Variants in PPP1R26 observed in about 807,000 individuals in gnomAD.
The protein encoded by PPP1R26 is protein phosphatase 1 regulatory subunit 26, also known as 1A6/DRIM (down-regulated in metastasis) interacting protein.
In PPP1R26, 22 loss-of-function variants were observed where a neutral mutation model predicts 67.6. The observed-to-expected ratio is 0.33, with a 90% CI of 0.23 to 0.46. The LOEUF is 0.46. PPP1R26 is among the 20% of genes least tolerant of loss of function. The pLI is 1.00. For missense variants in PPP1R26, 1,602 were observed against 1,651.4 expected (o/e 0.97, Z 0.52); for synonymous variants, 729 against 717.2 (o/e 1.02, Z -0.26).
In PPP1R26 at chr9:135,487,227, G is replaced by C. The variant is rs142918581; in HGVS notation, c.2717G>C (p.Arg906Pro). 3.2e-6 allele frequency: 5 copies of C among 1,585,784 alleles called. No homozygotes were observed. In the East Asian group the frequency reaches 1.1e-4, roughly 36 times the overall value. The change falls in exon 4 of 4, where the codon CGA (arginine) becomes CCA (proline). Residue 906 changes from arginine (R) to proline (P), a missense_variant. By Grantham distance (103) the Arg-to-Pro change is moderately radical. This residue lies in a region of PPP1R26 where 740 missense variants were observed against 696.3 expected (regional missense o/e 1.06). Transcript: ENST00000356818. ...RGVPHLAEGL[R>P]GTESAGAQGT... ...GTCCCACATCTGGCCGAAGGGCTTC[G>C]AGGCACAGAGAGCGCAGGAGCACAG...
In PPP1R26 at chr9:135,484,682, G is replaced by A. The variant is rs201579051; in HGVS notation, c.172G>A (p.Gly58Arg). 163 of 1,609,970 alleles carry A rather than the reference G, an allele frequency of 1.0e-4. No homozygotes were observed. Among genetic ancestry groups the A allele is most frequent in the Non-Finnish European group, 1.2e-4 (147 of 1,179,582 alleles). ...GCTTATCAGCACTCTGCAGCGCGAC[G>A]GGGCTGCTCGGGGCACCAGCGATGA... ...QMLISTLQRD[G>R]AARGTSDERA... Residue 58 changes from glycine to arginine, a missense_variant, in exon 4 of 4, where the codon GGG becomes AGG. Transcript: ENST00000356818.
At chr9:135,481,357 C>T (rs1470478592) in intron 1 of PPP1R26, among the ~76,000 whole-genome samples, 1 of 151,372 alleles carries the variant, frequency 6.6e-6, no homozygotes, top group Non-Finnish European at 1.5e-5. Flanking sequence ...TCTCGTGCCT[C>T]AGCCCCTGGA....
Position 135,486,388 on chromosome 9 carries a change from G to A in PPP1R26, c.1878G>A (p.Gly626=), listed in dbSNP as rs1204956548. The part of the protein sequence containing the change: ...DGSQDADHSQ[G]RAEPGHERRD... ...GCCAGGATGCCGACCACAGCCAGGG[G>A]AGAGCTGAGCCCGGCCATGAGAGGC... The change falls in exon 4 of 4, where the codon GGG becomes GGA. Residue 626 remains glycine, a synonymous_variant. Transcript: ENST00000356818. The surrounding 1 kb of genome is among the most constrained non-coding windows in gnomAD (Gnocchi z 6.2). 1 of 1,613,262 alleles carries A rather than the reference G, an allele frequency of 6.2e-7. No individual in the cohort carries two copies. The highest frequency in any genetic ancestry group is 1.1e-5 in the South Asian group (1 of 91,082).
At position 135,487,598 on chromosome 9, in the gene PPP1R26, T is replaced by C. The variant is rs1478760650; in HGVS notation, c.3088T>C (p.Phe1030Leu). Residue 1030 changes from phenylalanine to leucine, a missense_variant, in exon 4 of 4, where the codon TTC becomes CTC. By Grantham distance (22) the Phe-to-Leu change is conservative. Coordinates refer to ENST00000356818, the MANE Select transcript of PPP1R26 (RefSeq NM_014811.5). ...CGACCGCACACCGCCCTGGAGCGAC[T>C]TCGCCCACCAGAGTCGGCTGCCCAG... Reference protein sequence around the residue: ...QADRTPPWSDFAHQSRLPSPW... With the variant: ...QADRTPPWSDLAHQSRLPSPW... The C allele has an allele frequency of 6.7e-7, 1 of 1,497,734 alleles. No individual in the cohort carries two copies. The highest frequency in any genetic ancestry group is 8.9e-7 in the Non-Finnish European group (1 of 1,122,588). 92.8% of individuals were successfully genotyped at this position (1,497,734 alleles called of 1,614,324 possible).
In PPP1R26 at chr9:135,488,092, C is replaced by T. The variant is rs147377906; in HGVS notation, c.3582C>T (p.Ser1194=). 3.6e-5 allele frequency: 57 copies of T among 1,564,082 alleles called. No individual in the cohort carries two copies. Among genetic ancestry groups the T allele is most frequent in the African/African-American group, 1.6e-4 (12 of 73,366 alleles). Residue 1194 remains serine (S), a synonymous_variant, in exon 4 of 4, where the codon AGC becomes AGT. Transcript: ENST00000356818. ...TGGGCAGTGACGCCAGTGACTTCAG[C>T]GACACCTCCACGGAGGACAGTGGCG... is the stretch of plus-strand genomic sequence containing the variant. ...DALGSDASDF[S]DTSTEDSGGS...
At chr9:135,482,979 C>CTTTTTTT (rs1830570844) in intron 2 of PPP1R26, among the ~76,000 whole-genome samples, 164 bp downstream of exon 2, 2 of 136,916 alleles carry the variant, frequency 1.5e-5, no homozygotes, top group Non-Finnish European at 1.5e-5. Context: ...GTTTCTTTTT[C>CTTTTTTT]TTTCTTTCTT....
At position 135,485,997 on chromosome 9, in the gene PPP1R26, C is replaced by A; in HGVS notation, c.1487C>A (p.Pro496Gln). 1.2e-6 allele frequency: 2 copies of A among 1,613,222 alleles called. No individual in the cohort carries two copies. Among genetic ancestry groups the A allele is most frequent in the Middle Eastern group, 3.3e-4 (2 of 6,058 alleles). The change falls in exon 4 of 4, where the codon CCG (proline) becomes CAG (glutamine). Residue 496 changes from proline to glutamine, a missense_variant. Around this residue, in one of 5 missense-constraint regions of PPP1R26, gnomAD observed 680 missense variants for 726.1 expected, o/e 0.94. Coordinates refer to ENST00000356818, the MANE Select transcript of PPP1R26 (RefSeq NM_014811.5). The surrounding 1 kb of genome is among the most constrained non-coding windows in gnomAD (Gnocchi z 7.2). ...CTGGACATCTCCAAGACGATCCTGC[C>A]GGCCCCTGTAGAGGGCAGTGACGGG... The part of the protein sequence containing the change: ...AILDISKTIL[P>Q]APVEGSDGSL...
In PPP1R26 at chr9:135,486,334, G is replaced by T. The variant is rs201421427; in HGVS notation, c.1824G>T (p.Lys608Asn). ...GCCATGTGAGGCCATCCACGCCCAA[G>T]AAAATGCAGGAGGTGGTGAAAGACG... is the stretch of plus-strand genomic sequence containing the variant. ...GGGHVRPSTP[K>N]KMQEVVKDGS... is the part of the protein sequence containing the mutation. Residue 608 changes from lysine to asparagine, a missense_variant, in exon 4 of 4, where the codon AAG becomes AAT. Coordinates refer to ENST00000356818, the MANE Select transcript of PPP1R26 (RefSeq NM_014811.5). The surrounding 1 kb of genome is among the most constrained non-coding windows in gnomAD (Gnocchi z 6.2). 1.2e-6 allele frequency: 2 copies of T among 1,613,080 alleles called. No homozygotes were observed. Among genetic ancestry groups the T allele is most frequent in the East Asian group, 4.5e-5 (2 of 44,856 alleles).
intron 1 of PPP1R26, among the ~76,000 whole-genome samples, chr9:135,482,099 G>A (rs1830541883): frequency 6.6e-6 from 1 of 152,168 alleles, no homozygotes; most frequent in Non-Finnish European, 1.5e-5. Flanking sequence ...CACTGACTTG[G>A]GCCGGTTTTC....
chr9:135,485,743 A>C lies in PPP1R26; in HGVS notation c.1233A>C (p.Thr411=). The change falls in exon 4 of 4, where the codon ACA becomes ACC. Residue 411 remains threonine (T), a synonymous_variant. Coordinates refer to ENST00000356818, the MANE Select transcript of PPP1R26 (RefSeq NM_014811.5). The surrounding 1 kb of genome is among the most constrained non-coding windows in gnomAD (Gnocchi z 7.2). The part of the protein sequence containing the change: ...DPPAHSTSSA[T]KSALPETHRK... ...CCGCACACAGCACAAGCAGTGCCAC[A>C]AAAAGTGCCTTGCCCGAGACCCACA... 1 of 1,610,720 alleles carries C rather than the reference A, an allele frequency of 6.2e-7. No homozygotes were observed. The highest frequency in any genetic ancestry group is 8.5e-7 in the Non-Finnish European group (1 of 1,179,986).
Position 135,486,673 on chromosome 9 carries a change from G to A in PPP1R26, c.2163G>A (p.Lys721=). 6.2e-7 allele frequency: 1 copy of A among 1,607,044 alleles called. No individual in the cohort carries two copies. The highest frequency in any genetic ancestry group is 1.1e-5 in the South Asian group (1 of 90,298). The change falls in exon 4 of 4, where the codon AAG becomes AAA. Residue 721 remains lysine (K), a synonymous_variant. Coordinates refer to ENST00000356818, the MANE Select transcript of PPP1R26 (RefSeq NM_014811.5). The surrounding 1 kb of genome is among the most constrained non-coding windows in gnomAD (Gnocchi z 6.2). ...AGCCCAGGGCTGCGTGCAGGAAGAA[G>A]GTCAGGTTCAGCACAGCCCAGACGC... ...CREPRAACRK[K]VRFSTAQTHF...
At position 135,486,792 on chromosome 9, in the gene PPP1R26, G is replaced by A; in HGVS notation, c.2282G>A (p.Ser761Asn). The change falls in exon 4 of 4, where the codon AGT becomes AAT. Residue 761 changes from serine to asparagine, a missense_variant. Transcript: ENST00000356818. The surrounding 1 kb of genome is among the most constrained non-coding windows in gnomAD (Gnocchi z 6.2). Reference sequence around the variant, plus strand: ...TGCCTCTCCAAGTCCAAGAGAGACAGTGGCGAGGGTCCTGGGAAGAAACCC... The same window carrying A: ...TGCCTCTCCAAGTCCAAGAGAGACAATGGCGAGGGTCCTGGGAAGAAACCC... ...KSCLSKSKRD[S>N]GEGPGKKPPS... The A allele has an allele frequency of 1.3e-6, 2 of 1,596,572 alleles. No individual in the cohort carries two copies. Among genetic ancestry groups the A allele is most frequent in the Non-Finnish European group, 1.7e-6 (2 of 1,172,290 alleles).
chr9:135,481,476 A>T (rs902592617), intron 1 of PPP1R26, among the ~76,000 whole-genome samples: 1 of 148,594 alleles, frequency 6.7e-6, no homozygotes, highest in Admixed American at 6.7e-5. Context: ...CCTGGCCTCA[A>T]GTGATCCACC....
chr9:135,485,141 G>A lies in PPP1R26; in HGVS notation c.631G>A (p.Ala211Thr), dbSNP rs369152269. Residue 211 changes from alanine to threonine, a missense_variant, in exon 4 of 4, where the codon GCC (alanine) becomes ACC (threonine). This residue lies in a region of PPP1R26 where 680 missense variants were observed against 726.1 expected (regional missense o/e 0.94). Transcript: ENST00000356818. The surrounding 1 kb of genome is among the most constrained non-coding windows in gnomAD (Gnocchi z 7.2). Reference protein sequence around the residue: ...QVGSSKDQGSASPVSVSSDDS... With the variant: ...QVGSSKDQGSTSPVSVSSDDS... ...GGGATCCAGCAAGGACCAGGGCTCC[G>A]CCTCCCCGGTCAGTGTGAGCAGCGA... The A allele has an allele frequency of 8.1e-5, 130 of 1,612,774 alleles. 1 individual carries two copies. Among genetic ancestry groups the A allele is most frequent in the East Asian group, 4.5e-4 (20 of 44,902 alleles).
intron 1 of PPP1R26, 142 bp from the exon 2 acceptor site, chr9:135,482,541 G>A (rs1032388189): frequency 1.5e-5 from 6 of 394,432 alleles, no homozygotes; most frequent in Non-Finnish European, 2.7e-5. Flanking sequence ...TTGTACTTGT[G>A]GTTAAATGTC....
Position 135,484,679 on chromosome 9 carries a change from G to T in PPP1R26, c.169G>T (p.Asp57Tyr), listed in dbSNP as rs145468835. Residue 57 changes from aspartate to tyrosine, a missense_variant, in exon 4 of 4, where the codon GAC (aspartate) becomes TAC (tyrosine). Asp to Tyr is a radical substitution (Grantham distance 160, BLOSUM62 -3). Around this residue, in one of 5 missense-constraint regions of PPP1R26, gnomAD observed 168 missense variants for 176.1 expected, o/e 0.95. Transcript: ENST00000356818. ...GATGCTTATCAGCACTCTGCAGCGC[G>T]ACGGGGCTGCTCGGGGCACCAGCGA... ...VQMLISTLQR[D>Y]GAARGTSDER... is the part of the protein sequence containing the mutation. The T allele has an allele frequency of 1.9e-6, 3 of 1,610,396 alleles. No individual in the cohort carries two copies. The highest frequency in any genetic ancestry group is 2.5e-6 in the Non-Finnish European group (3 of 1,179,752).
chr9:135,487,117 G>C lies in PPP1R26; in HGVS notation c.2607G>C (p.Gly869=). The change falls in exon 4 of 4, where the codon GGG becomes GGC. Residue 869 remains glycine (G), a synonymous_variant. Coordinates refer to ENST00000356818, the MANE Select transcript of PPP1R26 (RefSeq NM_014811.5). ...QAEGPTALGT[G]GPARPEVLCR... is the part of the protein sequence containing the mutation. The stretch of plus-strand genomic sequence containing the variant: ...AGGGCCCCACCGCTCTTGGGACAGG[G>C]GGCCCAGCCAGGCCAGAGGTGCTGT... 6.2e-7 allele frequency: 1 copy of C among 1,611,610 alleles called. No homozygotes were observed. The highest frequency in any genetic ancestry group is 8.5e-7 in the Non-Finnish European group (1 of 1,180,000).
chr9:135,487,690 C>T lies in PPP1R26; in HGVS notation c.3180C>T (p.Asp1060=). 6.9e-7 allele frequency: 1 copy of T among 1,454,184 alleles called. No homozygotes were observed. The highest frequency in any genetic ancestry group is 9.1e-7 in the Non-Finnish European group (1 of 1,103,406). 90.1% of individuals were successfully genotyped at this position (1,454,184 alleles called of 1,614,324 possible). ...VWRGGVGSER[D]KGSEGPARGL... ...GGGGGGGCGTCGGGAGCGAGAGAGA[C>T]AAGGGGTCCGAGGGCCCCGCCCGGG... The change falls in exon 4 of 4, where the codon GAC becomes GAT. Residue 1060 remains aspartate (D), a synonymous_variant. Coordinates refer to ENST00000356818, the MANE Select transcript of PPP1R26 (RefSeq NM_014811.5).
In PPP1R26 at chr9:135,484,861, C is replaced by T. The variant is rs1830653322; in HGVS notation, c.351C>T (p.Gly117=). 1 of 1,608,504 alleles carries T rather than the reference C, an allele frequency of 6.2e-7. No homozygotes were observed. Among genetic ancestry groups the T allele is most frequent in the Non-Finnish European group, 8.5e-7 (1 of 1,178,546 alleles). Residue 117 remains glycine, a synonymous_variant, in exon 4 of 4, where the codon GGC becomes GGT. Coordinates refer to ENST00000356818, the MANE Select transcript of PPP1R26 (RefSeq NM_014811.5). ...GGGAGGAGGAAACTACAGACTTTGG[C>T]CCGTTGGTGCTAGATTCAGACAGTG... The part of the protein sequence containing the change: ...PMGEEETTDF[G]PLVLDSDSDD...
Sources: allele counts gnomAD v4.1 joint callset (sites outside exome capture counted in the v4.1 genomes callset), GRCh38; gene constraint gnomAD v4.1.1; regional missense constraint gnomAD v4.1.1; non-coding constraint Gnocchi (gnomAD v3.1); transcripts MANE v1.5; gene names NCBI Gene and HGNC (gene_info 2026-07-23, HGNC 2026-07-21).